Variants in PGD observed in about 807,000 individuals in gnomAD.
The protein encoded by PGD is phosphogluconate dehydrogenase.
A neutral mutation model predicts 60.4 loss-of-function variants in PGD; 21 were observed. The observed-to-expected ratio is 0.35, with a 90% CI of 0.25 to 0.50. PGD has a LOEUF of 0.50. Ranked by LOEUF, PGD falls within the 20% of genes least tolerant of loss-of-function variation. PGD has a pLI of 0.98. For synonymous variants in PGD, 230 were observed against 235.9 expected, an observed-to-expected ratio of 0.97 and a Z score of 0.23; for missense variants, 477 against 613.1, an observed-to-expected ratio of 0.78 and a Z score of 2.34.
Position 10,420,375 on chromosome 1 carries a change from G to A in PGD, c.*626G>A, listed in dbSNP as rs566665396. ...GGTACATGGACGTTCACTGTAACGT[G>A]CTTTTTCTTTCGTCTTTTTTTTTTT... is the stretch of plus-strand genomic sequence containing the variant. On this transcript the variant is annotated 3_prime_UTR_variant, in exon 13 of 13. Transcript: ENST00000270776. Among the ~76,000 whole-genome samples, 1 of 142,226 alleles carries A rather than the reference G, an allele frequency of 7.0e-6. No individual in the cohort carries two copies. The highest frequency in any genetic ancestry group is 7.3e-5 in the Admixed American group (1 of 13,674). The allele number at this position is 142,226 out of a possible 152,430, so 93.3% of individuals were successfully genotyped here.
intron 5 of PGD, among the ~76,000 whole-genome samples, chr1:10,407,174 A>G (rs989487783): frequency 1.3e-5 from 2 of 152,164 alleles, no homozygotes; most frequent in South Asian, 2.1e-4. Context: ...TTAGCCAGGC[A>G]TGGTGGCTCA....
chr1:10,417,475 G>A lies in PGD; in HGVS notation c.1075G>A (p.Ala359Thr), dbSNP rs181999445. ...CTGGACTCTCAATTATGGTGGCATC[G>A]CCCTGATGTGGAGAGGGGGCTGCAT... ...FGWTLNYGGI[A>T]LMWRGGCIIR... The change falls in exon 10 of 13, where the codon GCC becomes ACC. Residue 359 changes from alanine to threonine, a missense_variant. Ala to Thr is a moderately conservative substitution (Grantham distance 58). Transcript: ENST00000270776. 33 of 1,613,716 alleles carry A rather than the reference G, an allele frequency of 2.0e-5. No individual in the cohort carries two copies. The highest frequency in any genetic ancestry group is 2.6e-5 in the Non-Finnish European group (31 of 1,179,836).
In PGD at chr1:10,404,133, A is replaced by G. The variant is rs768202293; in HGVS notation, c.331-28A>G. ...TGGAAGCATAATGAAACATGGAAGCATAATGAAATTATTTTTCTGTCCTTC... is the reference window on the plus strand; with the variant it reads ...TGGAAGCATAATGAAACATGGAAGCGTAATGAAATTATTTTTCTGTCCTTC... On this transcript the variant is annotated intron_variant, in intron 4 of 12. Transcript: ENST00000270776. 22 of 1,443,834 alleles carry G rather than the reference A, an allele frequency of 1.5e-5. No individual in the cohort carries two copies. The Admixed American group carries it at 3.6e-4, about 23-fold the overall frequency. The allele number at this position is 1,443,834 out of a possible 1,614,324, so 89.4% of individuals were successfully genotyped here.
intron 4 of PGD, among the ~76,000 whole-genome samples, chr1:10,403,889 T>C (rs561437956): frequency 2.0e-5 from 3 of 152,182 alleles, no homozygotes; most frequent in Non-Finnish European, 4.4e-5. Flanking sequence ...CAATGTGTGT[T>C]TGGCTTAATT....
Position 10,419,838 on chromosome 1 carries a change from T to G in PGD, c.*89T>G, listed in dbSNP as rs897809267. 12 of 1,478,272 alleles carry G rather than the reference T, an allele frequency of 8.1e-6. No individual in the cohort carries two copies. The highest frequency in any genetic ancestry group is 1.1e-5 in the Non-Finnish European group (12 of 1,079,306). The allele number at this position is 1,478,272 out of a possible 1,614,324, so 91.6% of individuals were successfully genotyped here. ...CTGCCACCTGGCCCTTTGCCCTATT[T>G]TCTGTTCAGTTTTTTAAAAGTGTTG... On this transcript the variant is annotated 3_prime_UTR_variant, in exon 13 of 13. Coordinates refer to ENST00000270776, the MANE Select transcript of PGD (RefSeq NM_002631.4).
intron 5 of PGD, among the ~76,000 whole-genome samples, chr1:10,407,749 C>G (rs777326543): frequency 2.0e-4 from 31 of 151,868 alleles, no homozygotes; most frequent in Non-Finnish European, 3.2e-4. Context: ...AGTTCGAGAC[C>G]AATCTGGGCA....
Position 10,419,889 on chromosome 1 carries a change from A to C in PGD, c.*140A>C. The C allele has an allele frequency of 2.0e-6, 2 of 1,024,366 alleles. No homozygotes were observed. The highest frequency in any genetic ancestry group is 4.3e-5 in the Admixed American group (2 of 47,046). The allele number at this position is 1,024,366 out of a possible 1,614,324, so 63.5% of individuals were successfully genotyped here. ...TAAGAGACTCCTGAGGAAGACACAC[A>C]GTTTATTTGTAAAGTAGCTCTGTGA... On this transcript the variant is annotated 3_prime_UTR_variant, in exon 13 of 13. Transcript: ENST00000270776.
chr1:10,416,277 T>C (rs960320755), intron 8 of PGD, among the ~76,000 whole-genome samples: 1 of 152,228 alleles, frequency 6.6e-6, no homozygotes, highest in Admixed American at 6.5e-5. Context: ...GGTTTCTATC[T>C]CTTCATTTTC....
At position 10,399,175 on chromosome 1, in the gene PGD, C is replaced by T. The variant is rs199715494; in HGVS notation, c.8+50C>T. On this transcript the variant is annotated intron_variant, in intron 1 of 12. Coordinates refer to ENST00000270776, the MANE Select transcript of PGD (RefSeq NM_002631.4). ...CGGCTCGGCCTCAGCGGGCGGGGAA[C>T]TCTTTGGGGGTCGAGATCTCCCTCG... 4.0e-4 allele frequency: 636 copies of T among 1,599,538 alleles called. 4 individuals carry two copies. The African/African-American group carries it at 7.6e-3, about 19-fold the overall frequency.
chr1:10,399,767 T>C (rs1639283454), intron 2 of PGD, 63 bp downstream of exon 2: 2 of 1,408,524 alleles, frequency 1.4e-6, no homozygotes, highest in Non-Finnish European at 2.0e-6. Context: ...AGGCCGGCGA[T>C]AGGTTTGGGA....
intron 6 of PGD, 43 bp from the exon 7 acceptor site, chr1:10,411,375 G>A (rs1410421158): frequency 1.9e-5 from 30 of 1,609,600 alleles, no homozygotes; most frequent in Non-Finnish European, 2.4e-5. Flanking sequence ...CTGATGTGTC[G>A]CCTGTTTCTC....
chr1:10,415,890 GAAGTA>G (rs970310610), intron 8 of PGD, among the ~76,000 whole-genome samples: 9 of 152,028 alleles, frequency 5.9e-5, no homozygotes, highest in East Asian at 3.8e-4. Context: ...TAATTCAAAT[GAAGTA>G]AAGTGGTTAA....
chr1:10,412,136 G>A (rs1054067051), intron 7 of PGD, among the ~76,000 whole-genome samples: 3 of 152,132 alleles, frequency 2.0e-5, no homozygotes, highest in Non-Finnish European at 2.9e-5. Flanking sequence ...TAAACTGCAG[G>A]TATCCATACT....
chr1:10,399,547 A>G (rs1404074098), intron 1 of PGD, 82 bp from the exon 2 acceptor site: 20 of 1,290,726 alleles, frequency 1.5e-5, no homozygotes, highest in African/African-American at 1.5e-5. Context: ...AGTCACGGCC[A>G]AATGTGGAAG....
intron 4 of PGD, 117 bp downstream of exon 4, chr1:10,403,253 T>C: frequency 1.4e-6 from 1 of 720,846 alleles, no homozygotes; most frequent in Non-Finnish European, 2.5e-6. Context: ...TTTTTGAGAT[T>C]ACTACTGATA....
At chr1:10,405,118 T>C (rs1489550400) in intron 5 of PGD, among the ~76,000 whole-genome samples, 2 of 151,892 alleles carry the variant, frequency 1.3e-5, no homozygotes, top group Non-Finnish European at 2.9e-5. Context: ...CTCACGCCTG[T>C]AATCCCAGCA....
At chr1:10,418,036 C>G (rs892832149) in intron 10 of PGD, among the ~76,000 whole-genome samples, 1 of 152,196 alleles carries the variant, frequency 6.6e-6, no homozygotes, top group Non-Finnish European at 1.5e-5. Context: ...CTACACTACA[C>G]CTTTTAAAGT....
chr1:10,414,937 G>A (rs1328817246), intron 8 of PGD, among the ~76,000 whole-genome samples: 1 of 151,252 alleles, frequency 6.6e-6, no homozygotes. Context: ...CTAAAAATAC[G>A]AAAGTTAGCC....
chr1:10,409,675 T>TTTTTTGG (rs1639465995), intron 6 of PGD, among the ~76,000 whole-genome samples: 3 of 138,050 alleles, frequency 2.2e-5, no homozygotes, highest in Non-Finnish European at 4.7e-5. Flanking sequence ...TTTTTTTTTT[T>TTTTTTGG]GAGACAGTCT....
Sources: gnomAD v4.1 joint callset for allele counts (sites outside exome capture counted in the v4.1 genomes callset) on GRCh38, gnomAD v4.1.1 for gene constraint, MANE v1.5 for transcripts, NCBI Gene and HGNC (gene_info 2026-07-23, HGNC 2026-07-21) for gene names.